SLA: variants seen among roughly 807,000 people sequenced by gnomAD.
SLA encodes the protein Src like adaptor, also known as src-like-adapter.
A neutral mutation model predicts 30.3 loss-of-function variants in SLA; 16 were observed. The observed-to-expected ratio is 0.53, with a 90% CI of 0.36 to 0.80. SLA has a LOEUF of 0.80. Ranked by LOEUF, SLA falls within the 30% of genes least tolerant of loss-of-function variation. The pLI is 0.01. For synonymous variants in SLA, 143 were observed against 137.8 expected (o/e 1.04, Z -0.26); for missense variants, 310 against 345.2 (o/e 0.90, Z 0.81).
At chr8:133,065,964 G>C (rs562440079) in intron 2 of SLA, among the ~76,000 whole-genome samples, 1 of 152,190 alleles carries the variant, frequency 6.6e-6, no homozygotes, top group Non-Finnish European at 1.5e-5. Flanking sequence ...GTGCTGCTGG[G>C]AGCAGAAGAA....
chr8:133,086,141 C>A (rs1846524526), intron 1 of SLA, among the ~76,000 whole-genome samples: 1 of 152,116 alleles, frequency 6.6e-6, no homozygotes, highest in African/African-American at 2.4e-5. Flanking sequence ...TATGAAATGT[C>A]CAGAATAGGT....
At chr8:133,045,301 T>G (rs540922329) in intron 6 of SLA, among the ~76,000 whole-genome samples, 186 bp from the exon 7 acceptor site, 1 of 152,104 alleles carries the variant, frequency 6.6e-6, no homozygotes, top group South Asian at 2.1e-4. Context: ...CGTTAGAGAC[T>G]GCAGAAGTGT....
intron 5 of SLA, 136 bp downstream of exon 5, chr8:133,049,766 T>G: frequency 1.5e-6 from 1 of 680,266 alleles, no homozygotes; most frequent in Non-Finnish European, 2.7e-6. Flanking sequence ...CCTTATTGAC[T>G]GGGTTGGGAG....
intron 2 of SLA, among the ~76,000 whole-genome samples, chr8:133,064,867 T>G (rs529920952): frequency 2.2e-4 from 33 of 152,166 alleles, no homozygotes; most frequent in Non-Finnish European, 4.4e-4. Flanking sequence ...CTGGCCTTGC[T>G]GCTGGGAAGG....
chr8:133,045,191 C>T, intron 6 of SLA, 76 bp from the exon 7 acceptor site: 2 of 1,547,700 alleles, frequency 1.3e-6, no homozygotes, highest in Non-Finnish European at 8.9e-7. Context: ...AGCCCACCAC[C>T]ACTGAGGCAG....
chr8:133,047,869 C>A lies in SLA; in HGVS notation c.313G>T (p.Val105Phe). 3 of 1,612,484 alleles carry A rather than the reference C, an allele frequency of 1.9e-6. No individual in the cohort carries two copies. Among genetic ancestry groups the A allele is most frequent in the Non-Finnish European group, 2.5e-6 (3 of 1,178,584 alleles). ...EELLQLPDTK[V>F]GSFMIRESET... The stretch of plus-strand genomic sequence containing the variant: ...CTCTCTCTGATCATGAAGGAGCCGA[C>A]CTTTGTGTCTGGCAGCTGCAGCAGC... The change falls in exon 6 of 9, where the codon GTC becomes TTC. Residue 105 changes from valine to phenylalanine, a missense_variant. By Grantham distance (50) the Val-to-Phe change is conservative (BLOSUM62 -1). Transcript: ENST00000338087.
At chr8:133,091,375 G>T (rs919361293) in intron 1 of SLA, among the ~76,000 whole-genome samples, 3 of 152,214 alleles carry the variant, frequency 2.0e-5, no homozygotes, top group Admixed American at 1.3e-4. Flanking sequence ...TGCCAGGAGG[G>T]AGGCGGAGTC....
intron 1 of SLA, among the ~76,000 whole-genome samples, chr8:133,082,823 C>G (rs78493697): frequency 9.5e-6 from 1 of 105,154 alleles, no homozygotes; most frequent in Non-Finnish European, 2.6e-5. Flanking sequence ...ATGGCATATA[C>G]TTTTTTTCTA....
intron 2 of SLA, among the ~76,000 whole-genome samples, chr8:133,073,438 C>A (rs905552849): frequency 6.6e-6 from 1 of 152,140 alleles, no homozygotes; most frequent in Non-Finnish European, 1.5e-5. Context: ...TCACTGCAAC[C>A]TGCAACCTCC....
chr8:133,088,083 T>C (rs1184703034), intron 1 of SLA, among the ~76,000 whole-genome samples: 2 of 152,218 alleles, frequency 1.3e-5, no homozygotes, highest in African/African-American at 2.4e-5. Flanking sequence ...AAGGAGCCAA[T>C]AGAGGCGAGA....
At chr8:133,080,842 C>T (rs1845635113) in intron 1 of SLA, among the ~76,000 whole-genome samples, 1 of 152,340 alleles carries the variant, frequency 6.6e-6, no homozygotes, top group Non-Finnish European at 1.5e-5. Context: ...GGGGCAGGTC[C>T]CTTCAGGCCC....
At chr8:133,058,233 G>C (rs1043854167) in intron 3 of SLA, among the ~76,000 whole-genome samples, 1 of 152,156 alleles carries the variant, frequency 6.6e-6, no homozygotes, top group African/African-American at 2.4e-5. Context: ...ATGATCGGGG[G>C]AACGTTTCAG....
chr8:133,044,689 A>G (rs1282300727), intron 7 of SLA, among the ~76,000 whole-genome samples: 1 of 152,182 alleles, frequency 6.6e-6, no homozygotes, highest in Non-Finnish European at 1.5e-5. Context: ...TGTATGGCCC[A>G]CTTAAGGATG....
At chr8:133,059,795 C>A (rs1014313902) in intron 3 of SLA, among the ~76,000 whole-genome samples, 14 of 152,148 alleles carry the variant, frequency 9.2e-5, no homozygotes, top group African/African-American at 3.4e-4. Flanking sequence ...TGATGTGGAT[C>A]CCATTCCCTT....
At chr8:133,089,269 C>G (rs1231293561) in intron 1 of SLA, among the ~76,000 whole-genome samples, 1 of 152,202 alleles carries the variant, frequency 6.6e-6, no homozygotes, top group Non-Finnish European at 1.5e-5. Flanking sequence ...GTGTTCCACA[C>G]CTTGTGCTGG....
intron 2 of SLA, among the ~76,000 whole-genome samples, chr8:133,072,217 A>G (rs553525539): frequency 2.6e-5 from 4 of 152,332 alleles, no homozygotes; most frequent in Admixed American, 1.3e-4. Context: ...CTGTTTGACA[A>G]CAAAAGAGAA....
intron 3 of SLA, among the ~76,000 whole-genome samples, chr8:133,055,346 GACACACACACGCACGCGCGC>G (rs1300582241): frequency 6.9e-6 from 1 of 144,672 alleles, no homozygotes; most frequent in African/African-American, 2.6e-5. Context: ...TCATCTTCAG[GACACACACACGCACGCGCGC>G]ACACACACAC....
intron 2 of SLA, among the ~76,000 whole-genome samples, chr8:133,066,325 CAA>C (rs11395047): frequency 1.3e-4 from 11 of 87,106 alleles, no homozygotes; most frequent in African/African-American, 3.5e-4. Flanking sequence ...GACTCTGTCT[CAA>C]AAAAAAAAAA....
At position 133,090,416 on chromosome 8, in the gene SLA, A is replaced by G. The variant is rs556085726; in HGVS notation, c.-319+12137T>C. 2.0e-5 allele frequency among the ~76,000 whole-genome samples: 3 copies of G among 152,322 alleles called. No homozygotes were observed. In the South Asian group the frequency reaches 6.2e-4, roughly 32 times the overall value. On this transcript the variant is annotated intron_variant, in intron 1 of 8. Transcript: ENST00000338087. ...CTTCATAGTGCTGTGGCAGGACATAAATCAAGAGAGTGAGCAAAAAAGCAC... is the reference window on the plus strand; with the variant it reads ...CTTCATAGTGCTGTGGCAGGACATAGATCAAGAGAGTGAGCAAAAAAGCAC...
Sources: allele counts gnomAD v4.1 joint callset (sites outside exome capture counted in the v4.1 genomes callset), GRCh38; gene constraint gnomAD v4.1.1; transcripts MANE v1.5; gene names NCBI Gene and HGNC (gene_info 2026-07-23, HGNC 2026-07-21).